The following TASP1 variants were observed in gnomAD, a reference collection of about 807,000 sequenced individuals.
TASP1 encodes the protein threonine aspartase 1.
A neutral mutation model predicts 56.6 loss-of-function variants in TASP1; 16 were observed. That is an observed-to-expected ratio of 0.28 (90% CI 0.19 to 0.43). The LOEUF (loss-of-function observed/expected upper bound fraction) is 0.43, where lower values mean the gene tolerates loss of function less well. TASP1 is among the 20% of genes least tolerant of loss of function. The pLI is 1.00. For synonymous variants in TASP1, 179 were observed against 184.2 expected (o/e 0.97, Z 0.23); for missense variants, 393 against 511.6 (o/e 0.77, Z 2.24).
intron 4 of TASP1, 102 bp downstream of exon 4, chr20:13,623,344 G>T: frequency 1.1e-6 from 1 of 901,908 alleles, no homozygotes; most frequent in Non-Finnish European, 1.7e-6. Context: ...GGGAAACACT[G>T]CTCATATAAT....
chr20:13,212,888 C>T, the TASP1 span, among the ~76,000 whole-genome samples: 1 of 152,142 alleles, frequency 6.6e-6, no homozygotes, highest in Non-Finnish European at 1.5e-5. Context: ...TCAGTTTAGA[C>T]ACATCTGGCT....
intron 8 of TASP1, among the ~76,000 whole-genome samples, chr20:13,558,320 C>A (rs1336314423): frequency 1.3e-5 from 2 of 152,148 alleles, no homozygotes; most frequent in Non-Finnish European, 2.9e-5. Flanking sequence ...TTTTCAATTT[C>A]TTTCTATCCC....
At chr20:13,484,791 T>C (rs1447933834) in intron 10 of TASP1, among the ~76,000 whole-genome samples, 2 of 149,474 alleles carry the variant, frequency 1.3e-5, no homozygotes, top group Non-Finnish European at 3.0e-5. Flanking sequence ...CATGGAATAC[T>C]ACGCAGCCAT....
chr20:13,300,452 T>A, the TASP1 span: 3 of 152,200 alleles, frequency 2.0e-5, no homozygotes, highest in South Asian at 6.2e-4. Context: ...TAGTTTTTTA[T>A]GTTTTAAGAA....
chr20:13,151,742 G>T, the TASP1 span, among the ~76,000 whole-genome samples: 1 of 152,162 alleles, frequency 6.6e-6, no homozygotes, highest in Non-Finnish European at 1.5e-5. Context: ...GAAGTATTTT[G>T]GGAGTGATAG....
At chr20:13,179,687 G>C in the TASP1 span, among the ~76,000 whole-genome samples, 3 of 152,162 alleles carry the variant, frequency 2.0e-5, no homozygotes, top group South Asian at 4.2e-4. Flanking sequence ...GAGTGAACCT[G>C]GATCTCAGAC....
rs201072436 is a variant in TASP1 at position 13,566,455 on chromosome 20, T to C, written c.568+3052A>G. On this transcript the variant is annotated intron_variant, in intron 7 of 13. Transcript: ENST00000337743. ...CATAAATGGGTAAATGGCTAAACAG[T>C]AGTAGTACCTCCATACCATGAATAC... 9.3e-5 allele frequency among the ~76,000 whole-genome samples: 14 copies of C among 150,252 alleles called. No individual in the cohort carries two copies. The East Asian group carries it at 2.4e-3, about 25-fold the overall frequency.
At chr20:13,629,865 A>G (rs2049023561) in intron 2 of TASP1, 69 bp downstream of exon 2, 2 of 1,595,938 alleles carry the variant, frequency 1.3e-6, no homozygotes, top group East Asian at 4.6e-5. Flanking sequence ...TGTGATTCTC[A>G]GTGTACTTCA....
intron 11 of TASP1, among the ~76,000 whole-genome samples, chr20:13,437,910 A>G (rs1433026987): frequency 2.0e-5 from 3 of 152,210 alleles, no homozygotes; most frequent in East Asian, 3.8e-4. Flanking sequence ...GGAAGAATCA[A>G]TATCATGAAA....
intron 4 of TASP1, among the ~76,000 whole-genome samples, chr20:13,605,906 T>G (rs996867733): frequency 2.6e-5 from 4 of 152,206 alleles, no homozygotes; most frequent in East Asian, 1.9e-4. Context: ...TTTTCAACAT[T>G]TACAAGGCCC....
intron 12 of TASP1, among the ~76,000 whole-genome samples, chr20:13,421,953 C>CTTATTTTT (rs1246920761): frequency 1.4e-5 from 2 of 139,042 alleles, no homozygotes; most frequent in African/African-American, 5.4e-5. Flanking sequence ...TCTGTTTAAC[C>CTTATTTTT]TTTTTTTTTT....
At chr20:13,524,853 G>A (rs1228222084) in intron 10 of TASP1, among the ~76,000 whole-genome samples, 1 of 152,142 alleles carries the variant, frequency 6.6e-6, no homozygotes, top group Non-Finnish European at 1.5e-5. Context: ...TGCCGTGTTG[G>A]AACTACATGT....
At chr20:13,569,637 A>C in intron 6 of TASP1, 51 bp from the exon 7 acceptor site, 1 of 1,475,504 alleles carries the variant, frequency 6.8e-7, no homozygotes, top group Non-Finnish European at 9.4e-7. Context: ...CTTCTCCTAC[A>C]TATTCAATAA....
chr20:13,270,794 G>A, the TASP1 span: 2 of 1,561,332 alleles, frequency 1.3e-6, no homozygotes, highest in African/African-American at 1.4e-5. Context: ...TCCATCTTTT[G>A]TTTTCTGATG....
chr20:13,202,821 A>ACCC, the TASP1 span, among the ~76,000 whole-genome samples: 1 of 152,232 alleles, frequency 6.6e-6, no homozygotes, highest in African/African-American at 2.4e-5. Flanking sequence ...ACAGTTGGCC[A>ACCC]CCTGTGAGTG....
At chr20:13,422,075 C>T (rs1287419484) in intron 12 of TASP1, among the ~76,000 whole-genome samples, 1 of 151,450 alleles carries the variant, frequency 6.6e-6, no homozygotes, top group African/African-American at 2.4e-5. Flanking sequence ...CCTCAGCCTC[C>T]CTAGTAGCTC....
chr20:13,580,176 C>A (rs995217275), intron 6 of TASP1, among the ~76,000 whole-genome samples: 9 of 152,206 alleles, frequency 5.9e-5, no homozygotes, highest in Non-Finnish European at 1.2e-4. Context: ...CCAGGCACAG[C>A]GGCTCATGCC....
At chr20:13,611,697 A>G (rs2048352331) in intron 4 of TASP1, among the ~76,000 whole-genome samples, 1 of 152,158 alleles carries the variant, frequency 6.6e-6, no homozygotes, top group Admixed American at 6.5e-5. Flanking sequence ...TTCCAGCTAT[A>G]CCTTAAAATG....
chr20:13,121,258 G>A, the TASP1 span, among the ~76,000 whole-genome samples: 1 of 152,114 alleles, frequency 6.6e-6, no homozygotes, highest in South Asian at 2.1e-4. Flanking sequence ...TAGGTTGCAG[G>A]GCTGGAATTC....
Sources: gnomAD v4.1 joint callset for allele counts (sites outside exome capture counted in the v4.1 genomes callset) on GRCh38, gnomAD v4.1.1 for gene constraint, MANE v1.5 for transcripts, NCBI Gene and HGNC (gene_info 2026-07-23, HGNC 2026-07-21) for gene names.